Variants in IGHMBP2 observed in about 807,000 individuals in gnomAD.
IGHMBP2 encodes DNA-binding protein SMUBP-2.
Under a neutral mutation model 96.0 loss-of-function variants are expected in IGHMBP2, and 81 were observed. The ratio of observed to expected loss-of-function variants is 0.84; its 90% CI spans 0.71 to 1.01. IGHMBP2 has a LOEUF of 1.01. Among genes scored for constraint, IGHMBP2 ranks in the 50% least tolerant of loss-of-function variants. The pLI, the probability that IGHMBP2 is intolerant of heterozygous loss-of-function variation, is 0.00. For synonymous variants in IGHMBP2, 557 were observed against 548.9 expected (o/e 1.01, Z -0.21); for missense variants, 1,227 against 1,306.3 (o/e 0.94, Z 0.94).
Position 68,933,708 on chromosome 11 carries a change from C to G in IGHMBP2, c.1419-87C>G, listed in dbSNP as rs181467416. ...TTGTCCTCCCCTACCTAAGCCTTTT[C>G]CTCGTGGGAGGGGTCGGTTCTGTTG... On this transcript the variant is annotated intron_variant, in intron 9 of 14. Transcript: ENST00000255078. 44 of 1,156,482 alleles carry G rather than the reference C, an allele frequency of 3.8e-5. No individual in the cohort carries two copies. The African/African-American group carries it at 6.2e-4, about 16-fold the overall frequency. The allele number at this position is 1,156,482 out of a possible 1,614,324, so 71.6% of individuals were successfully genotyped here. A position where few individuals can be genotyped will look rare whatever the true frequency, so the allele number is the denominator to read the frequency against.
At chr11:68,904,099 C>A in intron 1 of IGHMBP2, 61 bp downstream of exon 1, 1 of 1,321,290 alleles carries the variant, frequency 7.6e-7, no homozygotes, top group Non-Finnish European at 1.1e-6. Flanking sequence ...CGGGCAGAGT[C>A]TCCGAGGGGC....
At chr11:68,904,607 C>T (rs1245111107) in intron 1 of IGHMBP2, among the ~76,000 whole-genome samples, 1 of 151,906 alleles carries the variant, frequency 6.6e-6, no homozygotes, top group African/African-American at 2.4e-5. Flanking sequence ...TGGAGTTAAG[C>T]TGGTGGGTGC....
chr11:68,929,385 T>G (rs763418459), intron 8 of IGHMBP2, 28 bp downstream of exon 8: 4 of 1,601,094 alleles, frequency 2.5e-6, no homozygotes, highest in Admixed American at 1.7e-5. Flanking sequence ...CACATGCCCT[T>G]CTCTGCCCCC....
intron 8 of IGHMBP2, chr11:68,932,987 TG>T: frequency 2.1e-6 from 1 of 465,534 alleles, no homozygotes; most frequent in Non-Finnish European, 4.0e-6. Context: ...GACCCTCGCA[TG>T]CCCCCTTATA....
chr11:68,920,732 C>T (rs140332203), intron 7 of IGHMBP2, among the ~76,000 whole-genome samples: 2 of 152,266 alleles, frequency 1.3e-5, no homozygotes, highest in African/African-American at 4.8e-5. Flanking sequence ...AGTCCTTCCA[C>T]CTCTGCCTCC....
At position 68,911,497 on chromosome 11, in the gene IGHMBP2, TTGCGC is replaced by T; in HGVS notation, c.608_612del (p.Ala203ValfsTer22). ...ACCTCCCAGAAAGAAGCGGTTTTAT[TTGCGC>T]TGTCTCAGAAAGAACTTGCCATCAT... On this transcript the variant is annotated frameshift_variant, in exon 5 of 15. Coordinates refer to ENST00000255078, the MANE Select transcript of IGHMBP2 (RefSeq NM_002180.3). LOFTEE classifies it high-confidence loss of function. 6.2e-7 allele frequency: 1 copy of T among 1,614,122 alleles called. No individual in the cohort carries two copies. The highest frequency in any genetic ancestry group is 1.1e-5 in the South Asian group (1 of 91,086).
chr11:68,905,791 G>A (rs935270402), intron 1 of IGHMBP2, among the ~76,000 whole-genome samples: 17 of 152,280 alleles, frequency 1.1e-4, no homozygotes, highest in Non-Finnish European at 2.5e-4. Flanking sequence ...AGAAATGGGA[G>A]GGGCCTGATA....
At chr11:68,930,279 G>A (rs371654798) in intron 8 of IGHMBP2, 21 of 1,285,240 alleles carry the variant, frequency 1.6e-5, no homozygotes, top group African/African-American at 9.1e-5. Flanking sequence ...TTCAGATTTC[G>A]GTTGCCTTTT....
Position 68,929,187 on chromosome 11 carries a change from G to A in IGHMBP2, c.1065G>A (p.Ala355=), listed in dbSNP as rs529978266. ...CCGGCTCCCTGTTTCCACCAGGTGC[G>A]TCTGCCGATGGCCCCCTGAAGTTGC... ...ANVVLATNTG[A]SADGPLKLLP... The change falls in exon 8 of 15, where the codon GCG becomes GCA. Residue 355 remains alanine, a synonymous_variant. Coordinates refer to ENST00000255078, the MANE Select transcript of IGHMBP2 (RefSeq NM_002180.3). The A allele has an allele frequency of 1.7e-5, 28 of 1,612,532 alleles. No homozygotes were observed. Among genetic ancestry groups the A allele is most frequent in the Admixed American group, 1.2e-4 (7 of 60,032 alleles).
At chr11:68,915,509 G>A (rs1858626590) in intron 6 of IGHMBP2, among the ~76,000 whole-genome samples, 1 of 150,092 alleles carries the variant, frequency 6.7e-6, no homozygotes. Flanking sequence ...TTGAGATGGA[G>A]TCTCGCTCTG....
At position 68,933,908 on chromosome 11, in the gene IGHMBP2, A is replaced by G. The variant is rs746785281; in HGVS notation, c.1532A>G (p.Asn511Ser). 3 of 1,586,920 alleles carry G rather than the reference A, an allele frequency of 1.9e-6. No homozygotes were observed. Among genetic ancestry groups the G allele is most frequent in the Non-Finnish European group, 2.6e-6 (3 of 1,164,654 alleles). ...GAGGAGGACGAACAGTCGAAAGGGA[A>G]CCCTGGTGAGCTTGCTTGCAGATGG... The part of the protein sequence containing the change: ...LEEEDEQSKG[N>S]PGEVRLVSLH... Residue 511 changes from asparagine (N) to serine (S), a missense_variant, in exon 10 of 15, where the codon AAC becomes AGC. By Grantham distance (46) the Asn-to-Ser change is conservative (BLOSUM62 1). Transcript: ENST00000255078.
Position 68,929,334 on chromosome 11 carries a change from G to T in IGHMBP2, c.1212G>T (p.Leu404=), listed in dbSNP as rs780125691. The T allele has an allele frequency of 3.2e-4, 516 of 1,613,226 alleles. 1 individual carries two copies. Among genetic ancestry groups the T allele is most frequent in the Non-Finnish European group, 3.0e-5 (35 of 1,179,994 alleles). ...KCILAGDHKQ[L]PPTTVSHKAA... is the part of the protein sequence containing the mutation. ...TCCTGGCGGGCGATCACAAGCAGCT[G>T]CCCCCCACCACAGTCTCTCACAAGT... Residue 404 remains leucine, a synonymous_variant, in exon 8 of 15, where the codon CTG becomes CTT. Transcript: ENST00000255078.
Position 68,929,951 on chromosome 11 carries a change from G to A in IGHMBP2, c.1235+594G>A, listed in dbSNP as rs145847473. ...GTGGCCTGGCCCAGGCTGTCTTGGT[G>A]GAGAAAGTGCTGCCCGCCCCCCCAG... On this transcript the variant is annotated intron_variant, in intron 8 of 14. Coordinates refer to ENST00000255078, the MANE Select transcript of IGHMBP2 (RefSeq NM_002180.3). The A allele has an allele frequency of 7.6e-5, 82 of 1,082,312 alleles. 1 individual carries two copies. In the African/African-American group the frequency reaches 1.3e-3, roughly 17 times the overall value. 67.0% of individuals were successfully genotyped at this position (1,082,312 alleles called of 1,614,324 possible).
At chr11:68,929,603 C>T (rs951213875) in intron 8 of IGHMBP2, 5 of 412,110 alleles carry the variant, frequency 1.2e-5, no homozygotes, top group Non-Finnish European at 1.6e-5. Flanking sequence ...CAGGGCCTGG[C>T]ACGTTTCTGG....
rs17612126 is a variant in IGHMBP2, at chr11:68,938,206, C to T, written c.2636C>T (p.Thr879Met). Residue 879 changes from threonine to methionine, a missense_variant, in exon 14 of 15, where the codon ACG becomes ATG. Thr to Met is a moderately conservative substitution (Grantham distance 81, BLOSUM62 -1). Transcript: ENST00000255078. ...AKGHPATDLPTEEDFEALVSA... is the reference protein window; with the variant it reads ...AKGHPATDLPMEEDFEALVSA... Reference sequence around the variant, plus strand: ...GGACATCCGGCCACAGATCTGCCCACGGAGGAGGACTTTGAGGCCCTGGTT... The same window carrying T: ...GGACATCCGGCCACAGATCTGCCCATGGAGGAGGACTTTGAGGCCCTGGTT... 2.2e-5 allele frequency: 36 copies of T among 1,613,872 alleles called. No individual in the cohort carries two copies. The highest frequency in any genetic ancestry group is 2.2e-4 in the South Asian group (20 of 91,088).
At chr11:68,931,008 C>T (rs4930627) in intron 8 of IGHMBP2, among the ~76,000 whole-genome samples, 30,602 of 152,084 alleles carry the variant, frequency 0.2, 3,351 homozygotes, top group Non-Finnish European at 0.25. Flanking sequence ...TGGCCATGGG[C>T]GGGCCTGGAA....
At chr11:68,905,500 G>C (rs1858155685) in intron 1 of IGHMBP2, among the ~76,000 whole-genome samples, 1 of 152,194 alleles carries the variant, frequency 6.6e-6, no homozygotes, top group Non-Finnish European at 1.5e-5. Context: ...GGCTCTTTCT[G>C]AGGATGCTGA....
chr11:68,939,727 C>T lies in IGHMBP2; in HGVS notation c.2978C>T (p.Thr993Met), dbSNP rs777591006. 6.2e-6 allele frequency: 10 copies of T among 1,607,296 alleles called. No homozygotes were observed. The highest frequency in any genetic ancestry group is 1.7e-4 in the Middle Eastern group (1 of 5,890). Residue 993 changes from threonine (T) to methionine (M), a missense_variant, in exon 15 of 15, where the codon ACG (threonine) becomes ATG (methionine). Around this residue, in one of 3 missense-constraint regions of IGHMBP2, gnomAD observed 703 missense variants for 770.3 expected, o/e 0.91. Coordinates refer to ENST00000255078, the MANE Select transcript of IGHMBP2 (RefSeq NM_002180.3). ...QRTSRRKERG[T>M] ...ACCAGCCGGAGGAAGGAGAGGGGGA[C>T]GTGACCGGCCGCATCCTTGCACGCC...
chr11:68,915,165 CCTTTTT>C, intron 6 of IGHMBP2, 142 bp downstream of exon 6: 2 of 265,080 alleles, frequency 7.5e-6, no homozygotes, highest in South Asian at 8.0e-5. Flanking sequence ...ATTGGGCTGC[CCTTTTT>C]TTTTTTTTTT....
Sources: gnomAD v4.1 joint callset for allele counts (sites outside exome capture counted in the v4.1 genomes callset) on GRCh38, gnomAD v4.1.1 for gene constraint, gnomAD v4.1.1 regional missense constraint, MANE v1.5 for transcripts, NCBI Gene and HGNC (gene_info 2026-07-23, HGNC 2026-07-21) for gene names.